The following CFI variants were observed in gnomAD, a reference collection of about 807,000 sequenced individuals.
CFI encodes the protein complement factor I.
CFI carries 66 observed loss-of-function variants against 78.8 expected under a neutral mutation model. The ratio of observed to expected loss-of-function variants is 0.84; its 90% CI spans 0.69 to 1.03. CFI has a LOEUF of 1.03. CFI is among the 50% of genes least tolerant of loss of function. CFI has a pLI of 0.00. For synonymous variants in CFI, 250 were observed against 232.6 expected (o/e 1.07, Z -0.68); for missense variants, 706 against 704.5 (o/e 1.00, Z -0.02).
chr4:109,740,224 A>C (rs1723632815), downstream of CFI, among the ~76,000 whole-genome samples: 1 of 152,046 alleles, frequency 6.6e-6, no homozygotes, highest in Non-Finnish European at 1.5e-5. Context: ...CCAGGAGTTC[A>C]AGGCTGCAGT....
intron 11 of CFI, 34 bp from the exon 12 acceptor site, chr4:109,742,629 C>A: frequency 7.5e-7 from 1 of 1,337,690 alleles, no homozygotes; most frequent in South Asian, 1.2e-5. Context: ...ATTTAGAAGT[C>A]ACAAATGAGA....
chr4:109,781,373 A>G (rs1266655469), intron 1 of CFI, among the ~76,000 whole-genome samples: 2 of 152,188 alleles, frequency 1.3e-5, no homozygotes, highest in East Asian at 1.9e-4. Flanking sequence ...ATTCAAGGCT[A>G]CTATGAACAT....
intron 1 of CFI, among the ~76,000 whole-genome samples, chr4:109,767,834 T>C (rs1727977150): frequency 6.6e-6 from 1 of 152,030 alleles, no homozygotes; most frequent in Non-Finnish European, 1.5e-5. Context: ...CATGCACACG[T>C]ATGTTTATTG....
At position 109,761,542 on chromosome 4, in the gene CFI, A is replaced by G. The variant is rs1727055947; in HGVS notation, c.633T>C (p.Asp211=). 6.2e-7 allele frequency: 1 copy of G among 1,614,070 alleles called. No homozygotes were observed. The highest frequency in any genetic ancestry group is 1.7e-5 in the Admixed American group (1 of 60,008). ...RRTMGYQDFA[D]VVCYTQKADS... ...CTGCTTTCTGTGTATAACAAACCAC[A>G]TCAGCGAAATCCTGGTAACCCATAG... The change falls in exon 4 of 13, where the codon GAT becomes GAC. Residue 211 remains aspartate (D), a synonymous_variant. Coordinates refer to ENST00000394634, the MANE Select transcript of CFI (RefSeq NM_000204.5).
downstream of CFI, chr4:109,740,595 CTT>C: frequency 5.1e-6 from 2 of 392,520 alleles, no homozygotes; most frequent in Non-Finnish European, 9.6e-6. Context: ...TGAACCCAAC[CTT>C]ATGTAAGTCC....
intron 7 of CFI, among the ~76,000 whole-genome samples, chr4:109,756,730 C>A (rs903953198): frequency 1.3e-5 from 2 of 151,280 alleles, no homozygotes; most frequent in African/African-American, 4.9e-5. Context: ...TGTGGTGGCA[C>A]GTGCCTGTAA....
chr4:109,798,298 G>C (rs755860530), intron 1 of CFI, among the ~76,000 whole-genome samples: 4 of 152,086 alleles, frequency 2.6e-5, no homozygotes, highest in Non-Finnish European at 5.9e-5. Flanking sequence ...AATTTGCTAA[G>C]AGCACAATTT....
chr4:109,781,855 A>G (rs1017343055), intron 1 of CFI, among the ~76,000 whole-genome samples: 2 of 152,060 alleles, frequency 1.3e-5, no homozygotes, highest in African/African-American at 4.8e-5. Flanking sequence ...GTGGTTTAAC[A>G]TACACAAGTC....
At chr4:109,735,216 A>G in the CFI span, among the ~76,000 whole-genome samples, 1 of 152,144 alleles carries the variant, frequency 6.6e-6, no homozygotes, top group African/African-American at 2.4e-5. Flanking sequence ...TGGCCTCCCA[A>G]AGTGCTGGAA....
chr4:109,769,835 G>A (rs1014623288), intron 1 of CFI, among the ~76,000 whole-genome samples: 5 of 152,114 alleles, frequency 3.3e-5, no homozygotes, highest in African/African-American at 1.2e-4. Context: ...TTGAAACAGG[G>A]CTTGCTCCAA....
At chr4:109,789,269 C>T (rs1475317776) in intron 1 of CFI, among the ~76,000 whole-genome samples, 1 of 151,574 alleles carries the variant, frequency 6.6e-6, no homozygotes, top group Non-Finnish European at 1.5e-5. Flanking sequence ...AATGAGGGAA[C>T]AAAAAACATA....
intron 1 of CFI, among the ~76,000 whole-genome samples, chr4:109,775,876 G>T (rs1484140150): frequency 6.6e-6 from 1 of 152,162 alleles, no homozygotes; most frequent in Non-Finnish European, 1.5e-5. Context: ...GGCAAACAGG[G>T]TCTGTAGTGG....
downstream of CFI, among the ~76,000 whole-genome samples, chr4:109,735,728 G>C (rs1723336404): frequency 6.6e-6 from 1 of 152,224 alleles, no homozygotes; most frequent in Non-Finnish European, 1.5e-5. Context: ...GCGGATGAGA[G>C]AGACTTCGGG....
chr4:109,778,554 AAAG>A (rs1209768060), intron 1 of CFI, among the ~76,000 whole-genome samples: 1 of 152,226 alleles, frequency 6.6e-6, no homozygotes, highest in Non-Finnish European at 1.5e-5. Flanking sequence ...CCAGAGGTAC[AAAG>A]AAGAGCTGGT....
At chr4:109,785,693 C>A in intron 1 of CFI, among the ~76,000 whole-genome samples, 1 of 152,010 alleles carries the variant, frequency 6.6e-6, no homozygotes, top group East Asian at 1.9e-4. Context: ...TTATAATCCC[C>A]ATAATCCCCA....
intron 4 of CFI, among the ~76,000 whole-genome samples, chr4:109,760,937 T>C (rs956613999): frequency 1.3e-5 from 2 of 152,208 alleles, no homozygotes; most frequent in Non-Finnish European, 2.9e-5. Flanking sequence ...TTTCCACCCA[T>C]TTCTTTCATG....
intron 1 of CFI, chr4:109,794,018 C>A (rs1731720489): frequency 2.6e-5 from 4 of 152,210 alleles, no homozygotes; most frequent in African/African-American, 9.6e-5. Context: ...GATGAGAAAG[C>A]TGCTGCTAAT....
At chr4:109,757,695 T>C in intron 7 of CFI, 68 bp downstream of exon 7, 2 of 1,037,850 alleles carry the variant, frequency 1.9e-6, no homozygotes, top group Non-Finnish European at 2.9e-6. Flanking sequence ...TACATTAAAA[T>C]ATAAGACCAA....
chr4:109,753,428 A>T (rs1297492189), intron 7 of CFI, among the ~76,000 whole-genome samples: 3 of 74,722 alleles, frequency 4.0e-5, no homozygotes, highest in African/African-American at 1.9e-4. Context: ...AAATATTTAT[A>T]ATATATTTAT....
Sources: allele counts gnomAD v4.1 joint callset (sites outside exome capture counted in the v4.1 genomes callset), GRCh38; gene constraint gnomAD v4.1.1; transcripts MANE v1.5; gene names NCBI Gene and HGNC (gene_info 2026-07-23, HGNC 2026-07-21).